The following BOD1 variants were observed in gnomAD, a reference collection of about 807,000 sequenced individuals.
The protein encoded by BOD1 is biorientation of chromosomes in cell division protein 1.
Under a neutral mutation model 15.7 loss-of-function variants are expected in BOD1, and 11 were observed. That is an observed-to-expected ratio of 0.70 (90% CI 0.44 to 1.16). The LOEUF (loss-of-function observed/expected upper bound fraction) is 1.16, where lower values mean the gene tolerates loss of function less well. BOD1 is among the 50% of genes most tolerant of loss of function. The pLI is 0.00. For synonymous variants in BOD1, 105 were observed against 103.5 expected, an observed-to-expected ratio of 1.01 and a Z score of -0.09; for missense variants, 182 against 244.5, an observed-to-expected ratio of 0.74 and a Z score of 1.70.
intron 1 of BOD1, among the ~76,000 whole-genome samples, chr5:173,615,494 A>T (rs1227448462): frequency 6.6e-6 from 1 of 152,236 alleles, no homozygotes; most frequent in Non-Finnish European, 1.5e-5. Context: ...TCGTGGCTAG[A>T]CAAGTTTTGA....
chr5:173,616,578 G>C lies in BOD1; in HGVS notation c.-142C>G. The C allele has an allele frequency of 7.3e-7, 1 of 1,369,558 alleles. No homozygotes were observed. The highest frequency in any genetic ancestry group is 9.4e-7 in the Non-Finnish European group (1 of 1,068,962). 84.8% of individuals were successfully genotyped at this position (1,369,558 alleles called of 1,614,324 possible). On this transcript the variant is annotated 5_prime_UTR_variant, in exon 1 of 4. Transcript: ENST00000311086. Reference sequence around the variant, plus strand: ...GCGGCGGAGGTGGCGATGGCGGCAGGGGCGGTGGTGGGGGCGGCGGCGGCG... The same window carrying C: ...GCGGCGGAGGTGGCGATGGCGGCAGCGGCGGTGGTGGGGGCGGCGGCGGCG...
rs570581388 is a variant in BOD1, at chr5:173,616,582, G to T, written c.-146C>A. On this transcript the variant is annotated 5_prime_UTR_variant, in exon 1 of 4. Transcript: ENST00000311086. ...CGGAGGTGGCGATGGCGGCAGGGGC[G>T]GTGGTGGGGGCGGCGGCGGCGAAGG... 199 of 1,366,642 alleles carry T rather than the reference G, an allele frequency of 1.5e-4. No individual in the cohort carries two copies. The highest frequency in any genetic ancestry group is 1.7e-4 in the Non-Finnish European group (186 of 1,067,496). The allele number at this position is 1,366,642 out of a possible 1,614,324, so 84.7% of individuals were successfully genotyped here. A position where few individuals can be genotyped will look rare whatever the true frequency, so the allele number is the denominator to read the frequency against.
intron 1 of BOD1, among the ~76,000 whole-genome samples, chr5:173,615,169 AG>A (rs1755460957): frequency 6.6e-6 from 1 of 152,230 alleles, no homozygotes; most frequent in Admixed American, 6.5e-5. Flanking sequence ...ATCTTGGAGA[AG>A]GAACAGTGTA....
chr5:173,612,326 C>T (rs1393529670), intron 2 of BOD1, among the ~76,000 whole-genome samples: 4 of 152,236 alleles, frequency 2.6e-5, no homozygotes, highest in Non-Finnish European at 5.9e-5. Context: ...ATATCAAAAC[C>T]AGGAAAATGA....
chr5:173,614,231 T>C (rs55667293), intron 1 of BOD1, among the ~76,000 whole-genome samples: 1 of 152,166 alleles, frequency 6.6e-6, no homozygotes, highest in Non-Finnish European at 1.5e-5. Flanking sequence ...CATAAAGCAG[T>C]TAGGATTATT....
chr5:173,608,564 CA>C (rs1397882133), intron 3 of BOD1, among the ~76,000 whole-genome samples: 3 of 152,116 alleles, frequency 2.0e-5, no homozygotes, highest in African/African-American at 7.2e-5. Context: ...AAAAGAACAC[CA>C]AATCAGAATG....
At position 173,608,134 on chromosome 5, in the gene BOD1, G is replaced by A. The variant is rs999165240; in HGVS notation, c.*160C>T. 4.8e-5 allele frequency: 41 copies of A among 857,514 alleles called. No homozygotes were observed. Among genetic ancestry groups the A allele is most frequent in the South Asian group, 4.8e-4 (32 of 67,330 alleles). 53.1% of individuals were successfully genotyped at this position (857,514 alleles called of 1,614,324 possible). On this transcript the variant is annotated 3_prime_UTR_variant, in exon 4 of 4. Coordinates refer to ENST00000311086, the MANE Select transcript of BOD1 (RefSeq NM_138369.3). ...TGACACGGTCAACTCTCCCACTGCC[G>A]AACTTGCTCCCCTTTCAATCTGGTC...
Position 173,616,400 on chromosome 5 carries a change from C to T in BOD1, c.37G>A (p.Val13Met), listed in dbSNP as rs1341967511. ...DGGGGGGTGA[V>M]GGGGTSQASA... ...GCCTGGCTAGTTCCGCCGCCGCCCA[C>T]CGCGCCAGTTCCCCCGCCGCCGCCG... Residue 13 changes from valine to methionine, a missense_variant, in exon 1 of 4, where the codon GTG (valine) becomes ATG (methionine). Physicochemically the swap from Val to Met is conservative, Grantham distance 21. This residue lies in a region of BOD1 where 72 missense variants were observed against 68.9 expected (regional missense o/e 1.05). Transcript: ENST00000311086. The T allele has an allele frequency of 6.5e-7, 1 of 1,529,714 alleles. No individual in the cohort carries two copies. The highest frequency in any genetic ancestry group is 8.7e-7 in the Non-Finnish European group (1 of 1,147,988). The allele number at this position is 1,529,714 out of a possible 1,614,324, so 94.8% of individuals were successfully genotyped here. A position where few individuals can be genotyped will look rare whatever the true frequency, so the allele number is the denominator to read the frequency against.
At position 173,608,214 on chromosome 5, in the gene BOD1, T is replaced by C; in HGVS notation, c.*80A>G. 6.4e-7 allele frequency: 1 copy of C among 1,555,370 alleles called. No homozygotes were observed. The highest frequency in any genetic ancestry group is 8.9e-7 in the Non-Finnish European group (1 of 1,126,604). ...GATCAGTGACGACCTTGGCCTATCT[T>C]CAGTCTGAAGTTGCACTCTTATGTA... is the stretch of plus-strand genomic sequence containing the variant. On this transcript the variant is annotated 3_prime_UTR_variant, in exon 4 of 4. Coordinates refer to ENST00000311086, the MANE Select transcript of BOD1 (RefSeq NM_138369.3).
intron 2 of BOD1, among the ~76,000 whole-genome samples, chr5:173,611,106 A>G (rs1234718556): frequency 6.6e-6 from 1 of 152,218 alleles, no homozygotes; most frequent in Non-Finnish European, 1.5e-5. Flanking sequence ...TGATCAGGGG[A>G]AACAAACTAC....
intron 2 of BOD1, chr5:173,609,690 A>C (rs1755297472): frequency 9.8e-6 from 4 of 408,134 alleles, no homozygotes; most frequent in Non-Finnish European, 1.3e-5. Flanking sequence ...AAGAATCAAA[A>C]ACAAAACTAA....
At position 173,608,277 on chromosome 5, in the gene BOD1, AG is replaced by A. The variant is rs3214924; in HGVS notation, c.*16del. 1.2e-6 allele frequency: 2 copies of A among 1,611,952 alleles called. No individual in the cohort carries two copies. Among genetic ancestry groups the A allele is most frequent in the East Asian group, 4.5e-5 (2 of 44,878 alleles). Reference sequence around the variant, plus strand: ...TCTTCACCAAAAATTAGCTTTCAAAAGGTGTCTGGCGTATTCTAAAAAGGAA... The same window carrying A: ...TCTTCACCAAAAATTAGCTTTCAAAAGTGTCTGGCGTATTCTAAAAAGGAA... On this transcript the variant is annotated 3_prime_UTR_variant, in exon 4 of 4. Transcript: ENST00000311086.
At chr5:173,614,145 C>T (rs560809852) in intron 1 of BOD1, among the ~76,000 whole-genome samples, 4 of 152,352 alleles carry the variant, frequency 2.6e-5, no homozygotes, top group South Asian at 2.1e-4. Context: ...TCCAAACGCA[C>T]GCCTACCACC....
rs746553490 is a variant in BOD1, at chr5:173,613,140, C to T, written c.353G>A (p.Ser118Asn). ...KNQLRNGLRQ[S>N]VVQSGMLEAG... Reference sequence around the variant, plus strand: ...AATTCTGCTTACTTACTGAACCACACTCTGCCTCAGACCATTTCGCAACTG... The same window carrying T: ...AATTCTGCTTACTTACTGAACCACATTCTGCCTCAGACCATTTCGCAACTG... The change falls in exon 2 of 4, where the codon AGT becomes AAT. Residue 118 changes from serine (S) to asparagine (N), a missense_variant. Physicochemically the swap from Ser to Asn is conservative, Grantham distance 46 (BLOSUM62 1). This residue lies in a region of BOD1 where 70 missense variants were observed against 130.3 expected (regional missense o/e 0.54). Coordinates refer to ENST00000311086, the MANE Select transcript of BOD1 (RefSeq NM_138369.3). The T allele has an allele frequency of 2.5e-6, 4 of 1,614,082 alleles. No homozygotes were observed. Among genetic ancestry groups the T allele is most frequent in the Admixed American group, 1.7e-5 (1 of 60,008 alleles).
chr5:173,608,690 C>T (rs552146181), intron 3 of BOD1, among the ~76,000 whole-genome samples: 1 of 152,292 alleles, frequency 6.6e-6, no homozygotes, highest in South Asian at 2.1e-4. Context: ...TTTTGTACAT[C>T]TACAGCTGTT....
intron 3 of BOD1, 52 bp downstream of exon 3, chr5:173,609,185 CA>C: frequency 6.8e-7 from 1 of 1,467,190 alleles, no homozygotes; most frequent in Non-Finnish European, 9.1e-7. Context: ...ATCCATTTTA[CA>C]TATCTACAAG....
At chr5:173,615,646 T>C (rs1755474599) in intron 1 of BOD1, among the ~76,000 whole-genome samples, 1 of 152,234 alleles carries the variant, frequency 6.6e-6, no homozygotes, top group African/African-American at 2.4e-5. Flanking sequence ...CATTAGGATC[T>C]CAACTAGGCA....
intron 1 of BOD1, 78 bp downstream of exon 1, chr5:173,616,122 G>C: frequency 6.6e-7 from 1 of 1,515,082 alleles, no homozygotes; most frequent in East Asian, 2.5e-5. Flanking sequence ...TTTTGCTCTC[G>C]GCTTTCGAAA....
intron 1 of BOD1, among the ~76,000 whole-genome samples, chr5:173,614,417 ACTCATG>A (rs1755438333): frequency 6.6e-6 from 1 of 152,166 alleles, no homozygotes; most frequent in Non-Finnish European, 1.5e-5. Flanking sequence ...AGTCAAAGGA[ACTCATG>A]AGCCCACTCA....
Sources: gnomAD v4.1 joint callset for allele counts (sites outside exome capture counted in the v4.1 genomes callset) on GRCh38, gnomAD v4.1.1 for gene constraint, gnomAD v4.1.1 regional missense constraint, MANE v1.5 for transcripts, NCBI Gene and HGNC (gene_info 2026-07-23, HGNC 2026-07-21) for gene names.